The following ACKR3 variants were observed in gnomAD, a reference collection of about 807,000 sequenced individuals.
ACKR3 encodes C-X-C chemokine receptor type 7.
In ACKR3, 6 loss-of-function variants were observed where a neutral mutation model predicts 22.4. The ratio of observed to expected loss-of-function variants is 0.27; its 90% CI spans 0.15 to 0.53. The LOEUF is 0.53. Ranked by LOEUF, ACKR3 falls within the 20% of genes least tolerant of loss-of-function variation. The pLI is 0.96. For synonymous variants in ACKR3, 209 were observed against 205.2 expected (o/e 1.02, Z -0.16); for missense variants, 396 against 475.2 (o/e 0.83, Z 1.55).
chr2:236,554,761 A>G, the ACKR3 span, among the ~76,000 whole-genome samples: 5 of 152,206 alleles, frequency 3.3e-5, 1 homozygote, highest in Admixed American at 6.5e-5. Context: ...CTAACACACC[A>G]AACTAGGAAA....
chr2:236,571,265 CCA>C (rs1360613947), intron 1 of ACKR3, among the ~76,000 whole-genome samples: 1 of 152,150 alleles, frequency 6.6e-6, no homozygotes, highest in Non-Finnish European at 1.5e-5. Flanking sequence ...TCTTTTTTCC[CCA>C]GTCTCTGCCA....
At chr2:236,571,981 G>A (rs185027854) in intron 1 of ACKR3, among the ~76,000 whole-genome samples, 2 of 152,254 alleles carry the variant, frequency 1.3e-5, no homozygotes, top group East Asian at 1.9e-4. Context: ...TGGATTGCAC[G>A]TGTGTAGGCA....
At chr2:236,554,999 G>A in the ACKR3 span, among the ~76,000 whole-genome samples, 14 of 152,186 alleles carry the variant, frequency 9.2e-5, no homozygotes, top group Non-Finnish European at 1.6e-4. Flanking sequence ...TCCGTCCCCC[G>A]TCCTCAGGGT....
At chr2:236,579,650 C>T (rs187167863) in intron 1 of ACKR3, among the ~76,000 whole-genome samples, 37 of 152,292 alleles carry the variant, frequency 2.4e-4, no homozygotes, top group African/African-American at 7.0e-4. Flanking sequence ...TGAGTCTTGG[C>T]ACACCTTGCT....
the ACKR3 span, among the ~76,000 whole-genome samples, chr2:236,559,936 T>A: frequency 3.3e-5 from 5 of 152,262 alleles, no homozygotes; most frequent in Admixed American, 3.3e-4. Context: ...TATAGCTTTA[T>A]AATAAGTCAT....
intron 1 of ACKR3, among the ~76,000 whole-genome samples, chr2:236,578,850 A>G (rs1485297454): frequency 6.6e-6 from 1 of 152,172 alleles, no homozygotes; most frequent in Admixed American, 6.5e-5. Context: ...AGAATTAAAC[A>G]AGGTTCTGCT....
chr2:236,557,942 C>T, the ACKR3 span, among the ~76,000 whole-genome samples: 1 of 152,210 alleles, frequency 6.6e-6, no homozygotes, highest in Non-Finnish European at 1.5e-5. Context: ...AATAATCAAC[C>T]TGTTATGTTC....
chr2:236,551,190 C>T, the ACKR3 span, among the ~76,000 whole-genome samples: 1 of 152,234 alleles, frequency 6.6e-6, no homozygotes, highest in Admixed American at 6.5e-5. Context: ...CTTGGTGCCT[C>T]TTCTCCCTCA....
At chr2:236,563,176 C>T (rs1314471890), upstream of ACKR3, among the ~76,000 whole-genome samples, 2 of 152,112 alleles carry the variant, frequency 1.3e-5, no homozygotes, top group African/African-American at 4.8e-5. Flanking sequence ...GGATACTGTC[C>T]CCCTGCCCTA....
the ACKR3 span, among the ~76,000 whole-genome samples, chr2:236,558,474 T>C: frequency 6.6e-6 from 1 of 152,198 alleles, no homozygotes; most frequent in African/African-American, 2.4e-5. Flanking sequence ...CAATCTGGTC[T>C]GGGAGACGAA....
At chr2:236,567,981 G>C (rs1691224055), upstream of ACKR3, 1 of 153,384 alleles carries the variant, frequency 6.5e-6, no homozygotes, top group Non-Finnish European at 1.5e-5. Flanking sequence ...GTGGGCGCGG[G>C]GCCGGGGCTG....
chr2:236,538,003 T>C, the ACKR3 span, among the ~76,000 whole-genome samples: 3 of 152,322 alleles, frequency 2.0e-5, no homozygotes, highest in African/African-American at 7.2e-5. Context: ...ATGTTGGAAG[T>C]AGGTATTCCA....
chr2:236,580,083 T>G (rs1390241076), intron 1 of ACKR3, among the ~76,000 whole-genome samples: 1 of 152,170 alleles, frequency 6.6e-6, no homozygotes, highest in East Asian at 1.9e-4. Context: ...AGCATCGCGG[T>G]GGCCGGGGCT....
rs1691371197 is a variant in ACKR3 at position 236,574,670 on chromosome 2, T to A, written c.-27+4746T>A. ...CCACCACCCATGAAGGCTCTAAACC[T>A]GAGTACCTGTAATTCCGGCTTCACC... On this transcript the variant is annotated intron_variant, in intron 1 of 1. Transcript: ENST00000272928. The surrounding 1 kb of genome is among the most constrained non-coding windows in gnomAD (Gnocchi z 5.6). Among the ~76,000 whole-genome samples the A allele has an allele frequency of 6.6e-6, 1 of 152,146 alleles. No homozygotes were observed. Among genetic ancestry groups the A allele is most frequent in the Non-Finnish European group, 1.5e-5 (1 of 68,008 alleles).
In ACKR3 at chr2:236,577,641, C is replaced by T. The variant is rs532861768; in HGVS notation, c.-26-2799C>T. 3.9e-5 allele frequency among the ~76,000 whole-genome samples: 6 copies of T among 152,172 alleles called. No homozygotes were observed. The highest frequency in any genetic ancestry group is 2.1e-4 in the South Asian group (1 of 4,800). ...AGCAGTGGCCAGGCGCCTGGCCAGC[C>T]GGCATCTGACATGTCTCTACACTGG... On this transcript the variant is annotated intron_variant, in intron 1 of 1. Coordinates refer to ENST00000272928, the MANE Select transcript of ACKR3 (RefSeq NM_020311.3). This position sits in a 1 kb window ranked among gnomAD's most constrained non-coding sequence, Gnocchi z 5.6.
chr2:236,543,941 G>GTATA, the ACKR3 span, among the ~76,000 whole-genome samples: 312 of 57,528 alleles, frequency 5.4e-3, no homozygotes, highest in Non-Finnish European at 9.3e-3. Flanking sequence ...TGGGAGAAGG[G>GTATA]TATATATATA....
chr2:236,563,498 G>A (rs74888424), upstream of ACKR3, among the ~76,000 whole-genome samples: 56 of 152,276 alleles, frequency 3.7e-4, 1 homozygote, highest in East Asian at 1.2e-3. Context: ...TTAGAATGTC[G>A]AAAGAAGGTT....
At chr2:236,537,995 G>A in the ACKR3 span, among the ~76,000 whole-genome samples, 1 of 152,254 alleles carries the variant, frequency 6.6e-6, no homozygotes, top group East Asian at 1.9e-4. Context: ...AAGTGTTTAT[G>A]TTGGAAGTAG....
the ACKR3 span, among the ~76,000 whole-genome samples, chr2:236,539,473 T>C: frequency 6.6e-6 from 1 of 151,786 alleles, no homozygotes; most frequent in Admixed American, 6.6e-5. Flanking sequence ...CTACCACGCC[T>C]GGCTAGTTTT....
Sources: gnomAD v4.1 joint callset for allele counts (sites outside exome capture counted in the v4.1 genomes callset) on GRCh38, gnomAD v4.1.1 for gene constraint, Gnocchi (gnomAD v3.1) non-coding constraint, MANE v1.5 for transcripts, NCBI Gene and HGNC (gene_info 2026-07-23, HGNC 2026-07-21) for gene names.